The following DPP6 variants were observed in gnomAD, a reference collection of about 807,000 sequenced individuals.
DPP6 encodes A-type potassium channel modulatory protein DPP6.
In DPP6, 69 loss-of-function variants were observed where a neutral mutation model predicts 122.6. That is an observed-to-expected ratio of 0.56 (90% CI 0.46 to 0.69). The LOEUF (loss-of-function observed/expected upper bound fraction) is 0.69. Ranked by LOEUF, DPP6 falls within the 30% of genes least tolerant of loss-of-function variation. The pLI is 0.00. For missense variants in DPP6, 928 were observed against 1,116.9 expected, an observed-to-expected ratio of 0.83 and a Z score of 2.41; for synonymous variants, 418 against 433.1, an observed-to-expected ratio of 0.97 and a Z score of 0.43.
At chr7:154,195,717 T>A (rs756885234) in intron 1 of DPP6, among the ~76,000 whole-genome samples, 1 of 152,198 alleles carries the variant, frequency 6.6e-6, no homozygotes, top group Non-Finnish European at 1.5e-5. Flanking sequence ...CCAAATTCAT[T>A]GTCCACGTTG....
At chr7:154,300,639 G>A (rs557801325) in intron 1 of DPP6, among the ~76,000 whole-genome samples, 46 of 152,112 alleles carry the variant, frequency 3.0e-4, no homozygotes, top group South Asian at 2.7e-3. Context: ...GTGTGTATAC[G>A]TGTGTGGGGA....
chr7:154,304,814 A>G (rs1220000843), intron 1 of DPP6, among the ~76,000 whole-genome samples: 1 of 152,148 alleles, frequency 6.6e-6, no homozygotes, highest in Non-Finnish European at 1.5e-5. Context: ...CACGCATCAG[A>G]CACTTTGCAC....
At position 154,768,956 on chromosome 7, in the gene DPP6, G is replaced by T. The variant is rs550913210; in HGVS notation, c.884-461G>T. On this transcript the variant is annotated intron_variant, in intron 8 of 25. Transcript: ENST00000377770. Reference sequence around the variant, plus strand: ...GTAAATCCCTGGTCTGCTTTTGGGCGACTCAGCCTCTGCCAGAGTTCACTT... The same window carrying T: ...GTAAATCCCTGGTCTGCTTTTGGGCTACTCAGCCTCTGCCAGAGTTCACTT... 1.1e-4 allele frequency among the ~76,000 whole-genome samples: 16 copies of T among 152,262 alleles called. No homozygotes were observed. The South Asian group carries it at 3.1e-3, about 30-fold the overall frequency.
chr7:154,082,659 C>T, intron 1 of DPP6, among the ~76,000 whole-genome samples: 1 of 151,808 alleles, frequency 6.6e-6, no homozygotes, highest in Non-Finnish European at 1.5e-5. Context: ...TCACCCCTTC[C>T]TCCACTGTCA....
At chr7:154,395,021 ACT>A (rs1412345031) in intron 1 of DPP6, among the ~76,000 whole-genome samples, 1 of 152,172 alleles carries the variant, frequency 6.6e-6, no homozygotes, top group Non-Finnish European at 1.5e-5. Flanking sequence ...AATACCATGG[ACT>A]AGGTAGCCTC....
chr7:154,519,675 A>G lies in DPP6; in HGVS notation c.458-20857A>G, dbSNP rs371487058. Among the ~76,000 whole-genome samples, 61 of 152,324 alleles carry G rather than the reference A, an allele frequency of 4.0e-4. No homozygotes were observed. The East Asian group carries it at 8.5e-3, about 21-fold the overall frequency. ...GATTTTTCTTCTCTCTGTATAAGAC[A>G]CTGGCCTTCCTGCTGTTTGCATTTT... On this transcript the variant is annotated intron_variant, in intron 3 of 25. Coordinates refer to ENST00000377770, the MANE Select transcript of DPP6 (RefSeq NM_130797.4).
intron 1 of DPP6, among the ~76,000 whole-genome samples, chr7:154,230,290 T>C (rs754192048): frequency 6.6e-6 from 1 of 152,222 alleles, no homozygotes; most frequent in Non-Finnish European, 1.5e-5. Context: ...AGATTTGCTC[T>C]GCAAGGAATG....
intron 1 of DPP6, among the ~76,000 whole-genome samples, chr7:154,015,507 C>T (rs1798360749): frequency 1.3e-5 from 2 of 152,226 alleles, no homozygotes; most frequent in Admixed American, 6.5e-5. Context: ...AACATGTGCT[C>T]GCTTACATGT....
intron 4 of DPP6, among the ~76,000 whole-genome samples, chr7:154,543,944 A>G (rs1340048452): frequency 1.4e-5 from 2 of 147,690 alleles, no homozygotes; most frequent in Non-Finnish European, 3.0e-5. Flanking sequence ...CAGTGAGTCG[A>G]CATCGTTCCA....
At chr7:153,962,066 G>A (rs561800281) in intron 1 of DPP6, among the ~76,000 whole-genome samples, 118 of 149,866 alleles carry the variant, frequency 7.9e-4, no homozygotes, top group Non-Finnish European at 1.5e-3. Context: ...AAGAAATGGC[G>A]GTGGCATCAC....
At chr7:154,228,516 A>G (rs1188608922) in intron 1 of DPP6, among the ~76,000 whole-genome samples, 1 of 152,208 alleles carries the variant, frequency 6.6e-6, no homozygotes, top group East Asian at 1.9e-4. Flanking sequence ...AAATGGTGCC[A>G]GAAGACAGAC....
At chr7:154,311,732 T>G (rs1806909751) in intron 1 of DPP6, among the ~76,000 whole-genome samples, 2 of 152,154 alleles carry the variant, frequency 1.3e-5, no homozygotes, top group Non-Finnish European at 2.9e-5. Flanking sequence ...TGTTGACCTT[T>G]CAGGACTCTT....
At chr7:154,493,314 G>GA (rs1002075275) in intron 3 of DPP6, among the ~76,000 whole-genome samples, 1 of 152,136 alleles carries the variant, frequency 6.6e-6, no homozygotes, top group African/African-American at 2.4e-5. Context: ...ATGATGATAG[G>GA]AAAGTCATTC....
intron 13 of DPP6, among the ~76,000 whole-genome samples, chr7:154,801,953 G>A (rs535438050): frequency 1.3e-5 from 2 of 152,150 alleles, no homozygotes; most frequent in East Asian, 1.9e-4. Flanking sequence ...GGGGTCTGGC[G>A]AGTTCGGAAT....
chr7:154,279,266 G>A (rs974103645), intron 1 of DPP6, among the ~76,000 whole-genome samples: 1 of 152,172 alleles, frequency 6.6e-6, no homozygotes, highest in Non-Finnish European at 1.5e-5. Flanking sequence ...TGTGAGGCAC[G>A]TGGGGGTTTG....
intron 1 of DPP6, among the ~76,000 whole-genome samples, chr7:154,131,663 T>A (rs1280690359): frequency 6.6e-6 from 1 of 152,304 alleles, no homozygotes; most frequent in East Asian, 1.9e-4. Flanking sequence ...TTTCTCTTAC[T>A]AATTACATCT....
chr7:154,501,615 A>G (rs2151412986), intron 3 of DPP6, among the ~76,000 whole-genome samples: 1 of 152,342 alleles, frequency 6.6e-6, no homozygotes, highest in South Asian at 2.1e-4. Flanking sequence ...ACAGAAGTCA[A>G]GAATTGGGGT....
rs6953905 is a variant in DPP6, at chr7:154,486,636, G to A, written c.457+11599G>A. Among the ~76,000 whole-genome samples the A allele has an allele frequency of 0.094, 14,320 of 152,196 alleles. 2,042 individuals carry two copies. Among genetic ancestry groups the A allele is most frequent in the African/African-American group, 0.31 (12,840 of 41,458 alleles). ...TAGTTGTGTACTCCACGATACCGCA[G>A]TAGAACTTTACAAAACTTCAGTCAG... On this transcript the variant is annotated intron_variant, in intron 3 of 25. Transcript: ENST00000377770. The surrounding 1 kb of genome is among the most constrained non-coding windows in gnomAD (Gnocchi z 4.5).
intron 1 of DPP6, among the ~76,000 whole-genome samples, chr7:154,240,587 G>C (rs560044333): frequency 6.6e-6 from 1 of 152,312 alleles, no homozygotes; most frequent in African/African-American, 2.4e-5. Context: ...TAGAGTGTAT[G>C]TCAGAGATGT....
Sources: gnomAD v4.1 joint callset for allele counts (sites outside exome capture counted in the v4.1 genomes callset) on GRCh38, gnomAD v4.1.1 for gene constraint, Gnocchi (gnomAD v3.1) non-coding constraint, MANE v1.5 for transcripts, NCBI Gene and HGNC (gene_info 2026-07-23, HGNC 2026-07-21) for gene names.